The following ATXN7L1 variants were observed in gnomAD, a reference collection of about 807,000 sequenced individuals.
The protein encoded by ATXN7L1 is ataxin-7-like protein 1.
Under a neutral mutation model 70.8 loss-of-function variants are expected in ATXN7L1, and 15 were observed. The observed-to-expected ratio is 0.21, with a 90% confidence interval of 0.14 to 0.33. The LOEUF (loss-of-function observed/expected upper bound fraction) is 0.33, where lower values mean the gene tolerates loss of function less well. Among genes scored for constraint, ATXN7L1 ranks in the 10% least tolerant of loss-of-function variants. The pLI, the probability that ATXN7L1 is intolerant of heterozygous loss-of-function variation, is 1.00. For missense variants in ATXN7L1, 975 were observed against 1,097.1 expected, an observed-to-expected ratio of 0.89 and a Z score of 1.57; for synonymous variants, 440 against 445.1, an observed-to-expected ratio of 0.99 and a Z score of 0.14.
chr7:105,806,753 C>T (rs539349353), intron 2 of ATXN7L1, among the ~76,000 whole-genome samples: 4 of 152,154 alleles, frequency 2.6e-5, no homozygotes, highest in African/African-American at 7.2e-5. Flanking sequence ...GGAGGTGAGT[C>T]ATGAGGAAGT....
intron 3 of ATXN7L1, among the ~76,000 whole-genome samples, chr7:105,752,907 C>T (rs1195786914): frequency 3.3e-5 from 5 of 152,200 alleles, no homozygotes; most frequent in Non-Finnish European, 1.5e-5. Flanking sequence ...TGGAAGACCC[C>T]AAGATCATCC....
In ATXN7L1 at chr7:105,694,166, G is replaced by A. The variant is rs143693825; in HGVS notation, c.356-28878C>T. 9.0e-3 allele frequency among the ~76,000 whole-genome samples: 1,374 copies of A among 152,060 alleles called. 16 individuals are homozygous for A. The highest frequency in any genetic ancestry group is 0.03 in the African/African-American group (1,234 of 41,440). The stretch of plus-strand genomic sequence containing the variant: ...GGGTTCAAGCAATTCTCCTGCCTCA[G>A]CCTCCCCAGTATCTGGGTCTACAGG... On this transcript the variant is annotated intron_variant, in intron 3 of 11. Transcript: ENST00000419735.
At chr7:105,868,019 C>T (rs1817727087) in intron 2 of ATXN7L1, among the ~76,000 whole-genome samples, 1 of 152,210 alleles carries the variant, frequency 6.6e-6, no homozygotes, top group Non-Finnish European at 1.5e-5. Flanking sequence ...GTGTGCTTTG[C>T]TATCTTTACT....
chr7:105,872,876 C>T (rs979773567), intron 2 of ATXN7L1, among the ~76,000 whole-genome samples: 4 of 151,976 alleles, frequency 2.6e-5, no homozygotes, highest in African/African-American at 4.8e-5. Context: ...AACCACCCGC[C>T]GGGCACGGTG....
rs765687638 is a variant in ATXN7L1, at chr7:105,876,593, G to C, written c.-35C>G. ...GTTCCGACATTGAGTGTTCTGAAAG[G>C]GGGAGGGAGGGAGGAAGGGCGGGAT... On this transcript the variant is annotated 5_prime_UTR_variant, in exon 1 of 12. Coordinates refer to ENST00000419735, the MANE Select transcript of ATXN7L1 (RefSeq NM_020725.2). 7.8e-6 allele frequency: 12 copies of C among 1,539,382 alleles called. No homozygotes were observed. The highest frequency in any genetic ancestry group is 1.4e-5 in the African/African-American group (1 of 72,686).
chr7:105,719,800 C>A (rs1194004014), intron 3 of ATXN7L1, among the ~76,000 whole-genome samples: 5 of 152,184 alleles, frequency 3.3e-5, no homozygotes, highest in Non-Finnish European at 5.9e-5. Context: ...AAAGCAGGGG[C>A]AAAAGCAGTG....
Position 105,733,932 on chromosome 7 carries a change from TCATCCATCCATC to T in ATXN7L1, c.355+54660_355+54671del, listed in dbSNP as rs76828507. On this transcript the variant is annotated intron_variant, in intron 3 of 11. Transcript: ENST00000419735. Reference sequence around the variant, plus strand: ...CCATCATCCATCCATCCATCATCCATCATCCATCCATCCATCCATCCATCCATCCATCCATCC... The same window carrying T: ...CCATCATCCATCCATCCATCATCCATCATCCATCCATCCATCCATCCATCC... 4.3e-4 allele frequency among the ~76,000 whole-genome samples: 42 copies of T among 96,738 alleles called. 1 individual carries two copies. Among genetic ancestry groups the T allele is most frequent in the East Asian group, 1.8e-3 (5 of 2,798 alleles). The allele number at this position is 96,738 out of a possible 152,430, so 63.5% of individuals were successfully genotyped here.
At chr7:105,646,643 C>T (rs548172849) in intron 4 of ATXN7L1, among the ~76,000 whole-genome samples, 6 of 152,016 alleles carry the variant, frequency 3.9e-5, no homozygotes, top group African/African-American at 1.4e-4. Context: ...GTCTCAAACT[C>T]GTGACCTCAG....
chr7:105,614,676 G>A lies in ATXN7L1; in HGVS notation c.1658C>T (p.Thr553Ile), dbSNP rs1421205208. 2.6e-6 allele frequency: 4 copies of A among 1,551,720 alleles called. No homozygotes were observed. Among genetic ancestry groups the A allele is most frequent in the Non-Finnish European group, 3.5e-6 (4 of 1,147,006 alleles). ...LPSAPISSRL[T>I]SSYIMTSAML... The stretch of plus-strand genomic sequence containing the variant: ...GGCTGATGTCATTATGTAAGAAGAG[G>A]TGAGCCTCGAGCTGATGGGAGCTGA... The change falls in exon 10 of 12, where the codon ACC (threonine) becomes ATC (isoleucine). Residue 553 changes from threonine (T) to isoleucine (I), a missense_variant. Around this residue, in one of 5 missense-constraint regions of ATXN7L1, gnomAD observed 635 missense variants for 699.4 expected, o/e 0.91. Coordinates refer to ENST00000419735, the MANE Select transcript of ATXN7L1 (RefSeq NM_020725.2). The surrounding 1 kb of genome is among the most constrained non-coding windows in gnomAD (Gnocchi z 4.3).
chr7:105,708,670 T>C (rs1793486701), intron 3 of ATXN7L1, among the ~76,000 whole-genome samples: 1 of 151,040 alleles, frequency 6.6e-6, no homozygotes, highest in Non-Finnish European at 1.5e-5. Flanking sequence ...TTATAGAAAG[T>C]AGTTATCATC....
chr7:105,692,370 T>C (rs952722939), intron 3 of ATXN7L1, among the ~76,000 whole-genome samples: 76 of 94,594 alleles, frequency 8.0e-4, no homozygotes, highest in African/African-American at 1.6e-3. Context: ...AATTTCTTTC[T>C]TTCCTTCCTT....
intron 3 of ATXN7L1, among the ~76,000 whole-genome samples, chr7:105,785,373 G>A (rs1017760205): frequency 2.0e-5 from 3 of 152,286 alleles, no homozygotes; most frequent in South Asian, 2.1e-4. Flanking sequence ...GGCTGAGGCC[G>A]GAGAATTTTT....
chr7:105,789,548 G>C (rs2116483726), intron 2 of ATXN7L1, among the ~76,000 whole-genome samples: 1 of 152,282 alleles, frequency 6.6e-6, no homozygotes, highest in Non-Finnish European at 1.5e-5. Context: ...TCCAGGATGA[G>C]TAGAGGTTAA....
In ATXN7L1 at chr7:105,759,961, G is replaced by A. The variant is rs189690267; in HGVS notation, c.355+28643C>T. 3.7e-3 allele frequency among the ~76,000 whole-genome samples: 568 copies of A among 152,210 alleles called. 5 individuals are homozygous for A. Among genetic ancestry groups the A allele is most frequent in the Non-Finnish European group, 4.9e-3 (332 of 68,024 alleles). On this transcript the variant is annotated intron_variant, in intron 3 of 11. Transcript: ENST00000419735. ...TGAAAAGGCTGAGGAGGAATCAGCT[G>A]GAGGTCACCAGTGATTTCCTTCCAC...
At chr7:105,610,633 A>G (rs1489890111) in intron 10 of ATXN7L1, 30 bp from the exon 11 acceptor site, 2 of 1,542,718 alleles carry the variant, frequency 1.3e-6, no homozygotes, top group Admixed American at 3.9e-5. Flanking sequence ...CCCCACTCAG[A>G]CACACGAGCC....
chr7:105,800,802 G>A (rs1806701241), intron 2 of ATXN7L1, among the ~76,000 whole-genome samples: 1 of 152,230 alleles, frequency 6.6e-6, no homozygotes, highest in African/African-American at 2.4e-5. Context: ...CTGTAAGGTT[G>A]CTGCTAGGAT....
intron 3 of ATXN7L1, among the ~76,000 whole-genome samples, chr7:105,669,868 G>A (rs1484316576): frequency 6.8e-6 from 1 of 147,998 alleles, no homozygotes; most frequent in African/African-American, 2.5e-5. Context: ...GTAGTGAGCC[G>A]AGATCGAACC....
At chr7:105,812,847 A>G (rs1159605151) in intron 2 of ATXN7L1, among the ~76,000 whole-genome samples, 1 of 152,206 alleles carries the variant, frequency 6.6e-6, no homozygotes, top group East Asian at 1.9e-4. Flanking sequence ...GAAAAAACAC[A>G]AAAATTTATC....
chr7:105,644,966 CATT>C (rs1173831405), intron 4 of ATXN7L1, among the ~76,000 whole-genome samples: 1 of 152,146 alleles, frequency 6.6e-6, no homozygotes, highest in Non-Finnish European at 1.5e-5. Context: ...GCCTTGAAGA[CATT>C]ATGTTAAGTG....
Sources: allele counts gnomAD v4.1 joint callset (sites outside exome capture counted in the v4.1 genomes callset), GRCh38; gene constraint gnomAD v4.1.1; regional missense constraint gnomAD v4.1.1; non-coding constraint Gnocchi (gnomAD v3.1); transcripts MANE v1.5; gene names NCBI Gene and HGNC (gene_info 2026-07-23, HGNC 2026-07-21).